Variants in ACRBP observed in about 807,000 individuals in gnomAD.
ACRBP encodes the protein acrosin binding protein, also known as acrosin-binding protein.
A neutral mutation model predicts 69.0 loss-of-function variants in ACRBP; 52 were observed. The ratio of observed to expected loss-of-function variants is 0.75; its 90% CI spans 0.60 to 0.95. The LOEUF (loss-of-function observed/expected upper bound fraction) is 0.95, where lower values mean the gene tolerates loss of function less well. Ranked by LOEUF, ACRBP falls within the 40% of genes least tolerant of loss-of-function variation. The pLI is 0.00. For missense variants in ACRBP, 604 were observed against 673.0 expected, an observed-to-expected ratio of 0.90 and a Z score of 1.13; for synonymous variants, 267 against 258.9, an observed-to-expected ratio of 1.03 and a Z score of -0.30.
At chr12:6,641,055 T>C (rs1466832016) in intron 6 of ACRBP, among the ~76,000 whole-genome samples, 1 of 152,242 alleles carries the variant, frequency 6.6e-6, no homozygotes, top group African/African-American at 2.4e-5. Flanking sequence ...ACAAGGAAAC[T>C]GACTCTCAGT....
At position 6,647,380 on chromosome 12, in the gene ACRBP, C is replaced by A. The variant is rs780897162; in HGVS notation, c.-14G>T. The A allele has an allele frequency of 3.9e-6, 6 of 1,521,208 alleles. No individual in the cohort carries two copies. Among genetic ancestry groups the A allele is most frequent in the Non-Finnish European group, 5.3e-6 (6 of 1,132,376 alleles). The allele number at this position is 1,521,208 out of a possible 1,614,324, so 94.2% of individuals were successfully genotyped here. ...TGGCTTCCTCATGGCCGGAGAAGAT[C>A]CGCCCGCGTCCCGTGGACACAAGCC... On this transcript the variant is annotated 5_prime_UTR_variant, in exon 1 of 10. Transcript: ENST00000229243.
intron 3 of ACRBP, among the ~76,000 whole-genome samples, chr12:6,645,894 T>G (rs2136252062): frequency 6.6e-6 from 1 of 152,102 alleles, no homozygotes; most frequent in East Asian, 1.9e-4. Flanking sequence ...TCTCCTGACC[T>G]CATGATCTGC....
rs1949043627 is a variant in ACRBP, at chr12:6,640,316, C to T, written c.1257+27G>A. On this transcript the variant is annotated intron_variant, in intron 7 of 9. Coordinates refer to ENST00000229243, the MANE Select transcript of ACRBP (RefSeq NM_032489.3). The surrounding 1 kb of genome is among the most constrained non-coding windows in gnomAD (Gnocchi z 5.3). ...ACCCCTGCCACCCAGTTCTGCCTTTCCCACTGCGGGCTGCCGGGCTAGATA... is the reference window on the plus strand; with the variant it reads ...ACCCCTGCCACCCAGTTCTGCCTTTTCCACTGCGGGCTGCCGGGCTAGATA... 1.3e-6 allele frequency: 2 copies of T among 1,566,300 alleles called. No individual in the cohort carries two copies. Among genetic ancestry groups the T allele is most frequent in the Non-Finnish European group, 1.7e-6 (2 of 1,149,580 alleles).
chr12:6,645,078 C>T (rs1461545888), intron 4 of ACRBP, 142 bp downstream of exon 4: 6 of 639,104 alleles, frequency 9.4e-6, no homozygotes, highest in Non-Finnish European at 1.6e-5. Context: ...AAAGCTGACA[C>T]TCCTTTGTGT....
Position 6,646,489 on chromosome 12 carries a change from A to G in ACRBP, c.351T>C (p.Tyr117=). Residue 117 remains tyrosine (Y), a synonymous_variant, in exon 3 of 10, where the codon TAT becomes TAC. Transcript: ENST00000229243. ...THYRCSNHVY[Y]AKRVLCSQPV... ...CCTTTGTCCTGGGCCTCACCTTGGC[A>G]TAGTAGACGTGGTTGGAGCAACGGT... is the stretch of plus-strand genomic sequence containing the variant. 4.3e-6 allele frequency: 7 copies of G among 1,613,934 alleles called. No homozygotes were observed. Among genetic ancestry groups the G allele is most frequent in the Non-Finnish European group, 5.9e-6 (7 of 1,179,886 alleles).
At position 6,647,382 on chromosome 12, in the gene ACRBP, G is replaced by A. The variant is rs1244986715; in HGVS notation, c.-16C>T. On this transcript the variant is annotated 5_prime_UTR_variant, in exon 1 of 10. Transcript: ENST00000229243. ...GCTTCCTCATGGCCGGAGAAGATCC[G>A]CCCGCGTCCCGTGGACACAAGCCGC... is the stretch of plus-strand genomic sequence containing the variant. The A allele has an allele frequency of 1.3e-6, 2 of 1,520,522 alleles. No individual in the cohort carries two copies. The highest frequency in any genetic ancestry group is 2.5e-5 in the South Asian group (2 of 81,618). The allele number at this position is 1,520,522 out of a possible 1,614,324, so 94.2% of individuals were successfully genotyped here.
In ACRBP at chr12:6,645,220, C is replaced by T; in HGVS notation, c.475G>A (p.Val159Met). ...MTSPISPHFT[V>M]TERQTFQPWP... ...CTCCCGGCTGCTGAGAGGGTCTCAC[C>T]TGTGAAGTGGGGTGAGATGGGGGAG... Residue 159 changes from valine (V) to methionine (M), a missense_variant and splice_region_variant, in exon 4 of 10, where the codon GTG (valine) becomes ATG (methionine). Val to Met is a conservative substitution (Grantham distance 21). Coordinates refer to ENST00000229243, the MANE Select transcript of ACRBP (RefSeq NM_032489.3). 6.2e-7 allele frequency: 1 copy of T among 1,611,036 alleles called. No individual in the cohort carries two copies. Among genetic ancestry groups the T allele is most frequent in the African/African-American group, 1.3e-5 (1 of 74,910 alleles).
At chr12:6,643,413 G>A (rs1949066800) in intron 6 of ACRBP, 126 bp downstream of exon 6, 1 of 1,334,658 alleles carries the variant, frequency 7.5e-7, no homozygotes, top group African/African-American at 1.5e-5. Context: ...AGTCCCACTT[G>A]GAGAGAATCT....
chr12:6,640,366 G>A lies in ACRBP; in HGVS notation c.1234C>T (p.Gln412Ter). Residue 412 changes from glutamine (Q) to a stop codon, truncating the protein, a stop_gained, in exon 7 of 10, where the codon CAG becomes TAG. Transcript: ENST00000229243. LOFTEE classifies it high-confidence loss of function. The surrounding 1 kb of genome is among the most constrained non-coding windows in gnomAD (Gnocchi z 5.3). ...ACCTGGTTGCCGATGGACAGGCTCT[G>A]GGAGGCAAGCAAGGGGCTGACAAAG... Reference protein sequence around the residue: ...TPFVSPLLASQSLSIGNQVGS... With the variant: ...TPFVSPLLAS 4 of 1,614,148 alleles carry A rather than the reference G, an allele frequency of 2.5e-6. No individual in the cohort carries two copies. Among genetic ancestry groups the A allele is most frequent in the Non-Finnish European group, 3.4e-6 (4 of 1,180,020 alleles).
chr12:6,644,294 AAGAT>A lies in ACRBP; in HGVS notation c.783_786del (p.Ser262LeufsTer13), dbSNP rs771531113. ...CGGGGAGCAAAAGAGGAAGGGTTAG[AAGAT>A]AGAGATTCAGAGTGAAACTTGGGCT... On this transcript the variant is annotated frameshift_variant, in exon 5 of 10. Coordinates refer to ENST00000229243, the MANE Select transcript of ACRBP (RefSeq NM_032489.3). LOFTEE classifies it high-confidence loss of function. The A allele has an allele frequency of 1.2e-6, 2 of 1,614,154 alleles. No homozygotes were observed. The highest frequency in any genetic ancestry group is 1.7e-6 in the Non-Finnish European group (2 of 1,180,036).
At chr12:6,639,104 A>AATATCTGC in intron 8 of ACRBP, 67 bp from the exon 9 acceptor site, 1 of 1,439,420 alleles carries the variant, frequency 6.9e-7, no homozygotes, top group South Asian at 1.2e-5. Flanking sequence ...CACTCCAGGG[A>AATATCTGC]ATATCTGCTA....
chr12:6,644,381 C>A lies in ACRBP; in HGVS notation c.700G>T (p.Glu234Ter). The change falls in exon 5 of 10, where the codon GAA becomes TAA. Residue 234 changes from glutamate to a stop codon, truncating the protein, a stop_gained. Transcript: ENST00000229243. LOFTEE classifies it high-confidence loss of function. ...CGTCCCTCCTTAGTCCCCTGTCCTT[C>A]TTCCTGCTTTCCCTCCTCTTCCTGT... ...EEQEEEGKQE[E>*]GQGTKEGREA... The A allele has an allele frequency of 6.2e-7, 1 of 1,613,996 alleles. No individual in the cohort carries two copies. The highest frequency in any genetic ancestry group is 8.5e-7 in the Non-Finnish European group (1 of 1,179,956).
intron 6 of ACRBP, among the ~76,000 whole-genome samples, chr12:6,641,251 C>T (rs535298214): frequency 6.6e-6 from 1 of 152,318 alleles, no homozygotes; most frequent in South Asian, 2.1e-4. Flanking sequence ...CCCTCAGCTT[C>T]CTCAGCACTA....
chr12:6,638,966 G>A lies in ACRBP; in HGVS notation c.1497C>T (p.Asn499=). 1 of 1,614,084 alleles carries A rather than the reference G, an allele frequency of 6.2e-7. No homozygotes were observed. The change falls in exon 9 of 10, where the codon AAC becomes AAT. Residue 499 remains asparagine (N), a synonymous_variant. Transcript: ENST00000229243. ...CAGGGGTGCTCACCTTCCGATTGCGGTTTCTCATCAGACACTGCTGGCTTT... is the reference window on the plus strand; with the variant it reads ...CAGGGGTGCTCACCTTCCGATTGCGATTTCTCATCAGACACTGCTGGCTTT... ...SFKSQQCLMR[N]RNRKVSRMRC...
At position 6,638,278 on chromosome 12, in the gene ACRBP, C is replaced by T. The variant is rs748504394; in HGVS notation, c.*4G>A. Reference sequence around the variant, plus strand: ...GCTGGGGTGTGGGCAGAATAGACGCCAGCTCATCCGAACTGGCCTAGAGTC... The same window carrying T: ...GCTGGGGTGTGGGCAGAATAGACGCTAGCTCATCCGAACTGGCCTAGAGTC... On this transcript the variant is annotated 3_prime_UTR_variant, in exon 10 of 10. Coordinates refer to ENST00000229243, the MANE Select transcript of ACRBP (RefSeq NM_032489.3). 2.5e-6 allele frequency: 4 copies of T among 1,613,944 alleles called. No individual in the cohort carries two copies. Among genetic ancestry groups the T allele is most frequent in the Middle Eastern group, 1.7e-4 (1 of 6,040 alleles).
At chr12:6,644,737 A>C (rs1949076231) in intron 4 of ACRBP, 132 bp from the exon 5 acceptor site, 1 of 1,368,106 alleles carries the variant, frequency 7.3e-7, no homozygotes, top group Non-Finnish European at 9.7e-7. Flanking sequence ...AAACACAGAA[A>C]AGAACATAAG....
In ACRBP at chr12:6,638,965, G is replaced by C; in HGVS notation, c.1498C>G (p.Arg500Gly). The change falls in exon 9 of 10, where the codon CGC becomes GGC. Residue 500 changes from arginine to glycine, a missense_variant. Physicochemically the swap from Arg to Gly is moderately radical, Grantham distance 125 (BLOSUM62 -2). This residue lies in a region of ACRBP where 51 missense variants were observed against 60.1 expected (regional missense o/e 0.85). Transcript: ENST00000229243. The stretch of plus-strand genomic sequence containing the variant: ...GCAGGGGTGCTCACCTTCCGATTGC[G>C]GTTTCTCATCAGACACTGCTGGCTT... ...FKSQQCLMRNRNRKVSRMRCL... is the reference protein window; with the variant it reads ...FKSQQCLMRNGNRKVSRMRCL... The C allele has an allele frequency of 6.2e-7, 1 of 1,614,040 alleles. No homozygotes were observed. Among genetic ancestry groups the C allele is most frequent in the Non-Finnish European group, 8.5e-7 (1 of 1,179,958 alleles).
chr12:6,645,163 G>T, intron 4 of ACRBP, 57 bp downstream of exon 4: 1 of 1,366,516 alleles, frequency 7.3e-7, no homozygotes, highest in Non-Finnish European at 1.0e-6. Flanking sequence ...CTTACGTTGT[G>T]GGCTCTGGGA....
chr12:6,645,621 C>G (rs1290755959), intron 3 of ACRBP, among the ~76,000 whole-genome samples: 1 of 151,838 alleles, frequency 6.6e-6, no homozygotes, highest in African/African-American at 2.4e-5. Flanking sequence ...CTTCCCATCC[C>G]TCTTCCCTAC....
Sources: allele counts gnomAD v4.1 joint callset (sites outside exome capture counted in the v4.1 genomes callset), GRCh38; gene constraint gnomAD v4.1.1; regional missense constraint gnomAD v4.1.1; non-coding constraint Gnocchi (gnomAD v3.1); transcripts MANE v1.5; gene names NCBI Gene and HGNC (gene_info 2026-07-23, HGNC 2026-07-21).